SLC39A9: variants seen among roughly 807,000 people sequenced by gnomAD.
The protein encoded by SLC39A9 is solute carrier family 39 member 9.
Under a neutral mutation model 28.4 loss-of-function variants are expected in SLC39A9, and 14 were observed. The observed-to-expected ratio is 0.49, with a 90% confidence interval of 0.33 to 0.77. SLC39A9 has a LOEUF of 0.77. Among genes scored for constraint, SLC39A9 ranks in the 30% least tolerant of loss-of-function variants. The pLI, the probability that SLC39A9 is intolerant of heterozygous loss-of-function variation, is 0.02. For synonymous variants in SLC39A9, 119 were observed against 149.6 expected, an observed-to-expected ratio of 0.80 and a Z score of 1.49; for missense variants, 283 against 381.1, an observed-to-expected ratio of 0.74 and a Z score of 2.14.
intron 2 of SLC39A9, among the ~76,000 whole-genome samples, chr14:69,427,632 T>C (rs1269437592): frequency 6.6e-6 from 1 of 152,238 alleles, no homozygotes; most frequent in Admixed American, 6.5e-5. Context: ...CACTGATCTC[T>C]GTCTATATAG....
chr14:69,411,207 A>G (rs898333251), intron 1 of SLC39A9, among the ~76,000 whole-genome samples: 1 of 132,086 alleles, frequency 7.6e-6, no homozygotes, highest in Non-Finnish European at 1.6e-5. Context: ...GTGAGATTCC[A>G]TCTCAAAAAA....
intron 3 of SLC39A9, among the ~76,000 whole-genome samples, chr14:69,450,763 ACT>A (rs1462577832): frequency 3.3e-5 from 5 of 151,978 alleles, no homozygotes; most frequent in Non-Finnish European, 5.9e-5. Flanking sequence ...AACAAGCAAG[ACT>A]CTGTCTCTAA....
At chr14:69,444,951 A>G (rs889467566) in intron 3 of SLC39A9, among the ~76,000 whole-genome samples, 11 of 152,114 alleles carry the variant, frequency 7.2e-5, no homozygotes, top group Middle Eastern at 3.2e-3. Flanking sequence ...CTGGGAGACA[A>G]TGCGAAACCC....
chr14:69,437,493 G>A (rs1345605142), intron 2 of SLC39A9, among the ~76,000 whole-genome samples: 1 of 152,070 alleles, frequency 6.6e-6, no homozygotes, highest in African/African-American at 2.4e-5. Flanking sequence ...GGTGATTGAC[G>A]TCAAAATGCT....
At chr14:69,446,929 GATATATAT>G (rs148838682) in intron 3 of SLC39A9, among the ~76,000 whole-genome samples, 1 of 142,248 alleles carries the variant, frequency 7.0e-6, no homozygotes, top group South Asian at 2.2e-4. Context: ...GCCCATCTGT[GATATATAT>G]ATATATATAT....
intron 2 of SLC39A9, among the ~76,000 whole-genome samples, chr14:69,441,328 A>G (rs1885040881): frequency 6.6e-6 from 1 of 152,226 alleles, no homozygotes. Flanking sequence ...TATAAATGAT[A>G]AATGTCTAGT....
chr14:69,430,109 A>G (rs1230046916), intron 2 of SLC39A9, among the ~76,000 whole-genome samples: 1 of 152,180 alleles, frequency 6.6e-6, no homozygotes, highest in Non-Finnish European at 1.5e-5. Flanking sequence ...CCTTTATCAG[A>G]TACATGTTCT....
chr14:69,434,513 C>T (rs995750431), intron 2 of SLC39A9, among the ~76,000 whole-genome samples: 1 of 151,946 alleles, frequency 6.6e-6, no homozygotes, highest in African/African-American at 2.4e-5. Context: ...TATGAAGACC[C>T]TGTATTTACA....
At chr14:69,437,175 C>G (rs183325976) in intron 2 of SLC39A9, among the ~76,000 whole-genome samples, 19 of 152,178 alleles carry the variant, frequency 1.2e-4, no homozygotes, top group Admixed American at 1.1e-3. Flanking sequence ...CCTGGGATCC[C>G]TTTTTCTATT....
At position 69,399,303 on chromosome 14, in the gene SLC39A9, C is replaced by G. The variant is rs927342426; in HGVS notation, c.-67C>G. ...GAACCACCACACCTGTTTAAAGAAC[C>G]TAAGCACCATTTAAAGCCACTGGAA... is the stretch of plus-strand genomic sequence containing the variant. On this transcript the variant is annotated 5_prime_UTR_variant, in exon 1 of 7. Coordinates refer to ENST00000336643, the MANE Select transcript of SLC39A9 (RefSeq NM_018375.5). The G allele has an allele frequency of 7.1e-7, 1 of 1,410,574 alleles. No individual in the cohort carries two copies. The highest frequency in any genetic ancestry group is 1.4e-5 in the African/African-American group (1 of 71,034). 87.4% of individuals were successfully genotyped at this position (1,410,574 alleles called of 1,614,324 possible).
At chr14:69,444,845 T>G (rs1018127428) in intron 3 of SLC39A9, among the ~76,000 whole-genome samples, 4 of 152,100 alleles carry the variant, frequency 2.6e-5, no homozygotes, top group African/African-American at 9.7e-5. Flanking sequence ...GGCTCACCCC[T>G]TTAATCCCAG....
chr14:69,422,565 G>A (rs918274960), intron 1 of SLC39A9, among the ~76,000 whole-genome samples: 4 of 151,944 alleles, frequency 2.6e-5, no homozygotes, highest in East Asian at 1.9e-4. Context: ...GCACACCACC[G>A]GGCCTGGCTC....
rs1883083132 is a variant in SLC39A9 at position 69,408,872 on chromosome 14, G to C, written c.96+9407G>C. On this transcript the variant is annotated intron_variant, in intron 1 of 6. Coordinates refer to ENST00000336643, the MANE Select transcript of SLC39A9 (RefSeq NM_018375.5). ...AGTTGTTTAGAATCACTTAGTAGAG[G>C]GGAAAACATCTCTATGTTCACATTA... 1.3e-5 allele frequency among the ~76,000 whole-genome samples: 2 copies of C among 152,026 alleles called. 1 individual carries two copies. Among genetic ancestry groups the C allele is most frequent in the South Asian group, 4.2e-4 (2 of 4,814 alleles).
At chr14:69,408,600 C>T (rs1213692611) in intron 1 of SLC39A9, among the ~76,000 whole-genome samples, 1 of 152,138 alleles carries the variant, frequency 6.6e-6, no homozygotes, top group Non-Finnish European at 1.5e-5. Context: ...TTTTCCAAAG[C>T]TAGAAATCTG....
At position 69,404,794 on chromosome 14, in the gene SLC39A9, A is replaced by C. The variant is rs145875719; in HGVS notation, c.96+5329A>C. 8.5e-5 allele frequency among the ~76,000 whole-genome samples: 13 copies of C among 152,058 alleles called. No homozygotes were observed. In the East Asian group the frequency reaches 1.7e-3, roughly 20 times the overall value. ...CTTAGTATTTAACTCTCTTTTCTTC[A>C]TTATACTTACTCTCATTTTAAGCTT... On this transcript the variant is annotated intron_variant, in intron 1 of 6. Coordinates refer to ENST00000336643, the MANE Select transcript of SLC39A9 (RefSeq NM_018375.5).
chr14:69,405,162 A>G lies in SLC39A9; in HGVS notation c.96+5697A>G, dbSNP rs191820083. Among the ~76,000 whole-genome samples the G allele has an allele frequency of 7.6e-3, 1,162 of 152,348 alleles. 11 individuals carry two copies. Among genetic ancestry groups the G allele is most frequent in the South Asian group, 0.03 (146 of 4,830 alleles). On this transcript the variant is annotated intron_variant, in intron 1 of 6. Coordinates refer to ENST00000336643, the MANE Select transcript of SLC39A9 (RefSeq NM_018375.5). ...CCACCAGGTCCCTCGCATGGGAACT[A>G]CAACTCAAGATGAGATTTGGGTGGG...
chr14:69,458,574 C>T lies in SLC39A9; in HGVS notation c.905C>T (p.Ser302Leu), dbSNP rs781715187. 1.1e-5 allele frequency: 17 copies of T among 1,612,806 alleles called. No individual in the cohort carries two copies. Among genetic ancestry groups the T allele is most frequent in the Non-Finnish European group, 1.4e-5 (17 of 1,179,094 alleles). The part of the protein sequence containing the change: ...VLGCLIPLIL[S>L]VGHQH ...GGTTGCCTCATCCCTCTCATCCTGT[C>T]AGTAGGACACCAGCATTAAATGTTC... The change falls in exon 7 of 7, where the codon TCA becomes TTA. Residue 302 changes from serine to leucine, a missense_variant. By Grantham distance (145) the Ser-to-Leu change is moderately radical. Transcript: ENST00000336643.
At chr14:69,408,924 A>G (rs1183051713) in intron 1 of SLC39A9, among the ~76,000 whole-genome samples, 1 of 152,252 alleles carries the variant, frequency 6.6e-6, no homozygotes, top group East Asian at 1.9e-4. Context: ...TAATTTGACT[A>G]TAGTATAATA....
chr14:69,421,665 C>T (rs936911886), intron 1 of SLC39A9, among the ~76,000 whole-genome samples: 4 of 152,190 alleles, frequency 2.6e-5, no homozygotes, highest in African/African-American at 9.6e-5. Context: ...CTACCCAGTT[C>T]GAGCTTCCCG....
Sources: allele counts gnomAD v4.1 joint callset (sites outside exome capture counted in the v4.1 genomes callset), GRCh38; gene constraint gnomAD v4.1.1; transcripts MANE v1.5; gene names NCBI Gene and HGNC (gene_info 2026-07-23, HGNC 2026-07-21).